Variants in CELF4 observed in about 807,000 individuals in gnomAD.
The protein encoded by CELF4 is CUG-BP- and ETR-3-like factor 4.
In CELF4, 18 loss-of-function variants were observed where a neutral mutation model predicts 59.9. The ratio of observed to expected loss-of-function variants is 0.30; its 90% CI spans 0.21 to 0.45. The LOEUF is 0.45. Among genes scored for constraint, CELF4 ranks in the 20% least tolerant of loss-of-function variants. CELF4 has a pLI of 1.00. For missense variants in CELF4, 456 were observed against 689.0 expected, an observed-to-expected ratio of 0.66 and a Z score of 3.79; for synonymous variants, 261 against 267.1, an observed-to-expected ratio of 0.98 and a Z score of 0.22.
intron 2 of CELF4, among the ~76,000 whole-genome samples, chr18:37,442,667 A>G (rs1316924559): frequency 6.6e-6 from 1 of 152,194 alleles, no homozygotes; most frequent in Non-Finnish European, 1.5e-5. Flanking sequence ...AATACAAGGA[A>G]ACAGATTGTG....
chr18:37,522,856 T>G (rs1417283930), intron 1 of CELF4, among the ~76,000 whole-genome samples: 1 of 152,106 alleles, frequency 6.6e-6, no homozygotes, highest in East Asian at 1.9e-4. Flanking sequence ...AGTTGGGCAT[T>G]GCATTGTCTC....
At chr18:37,345,792 C>T (rs536286528) in intron 2 of CELF4, among the ~76,000 whole-genome samples, 2 of 152,196 alleles carry the variant, frequency 1.3e-5, no homozygotes, top group South Asian at 2.1e-4. Flanking sequence ...TAGAAAGGCA[C>T]AGCCTACCCT....
intron 2 of CELF4, among the ~76,000 whole-genome samples, chr18:37,418,088 CT>C (rs1569569289): frequency 6.6e-6 from 1 of 152,212 alleles, no homozygotes; most frequent in African/African-American, 2.4e-5. Context: ...CAAAAGTGAT[CT>C]GATGAAAGGC....
chr18:37,489,265 C>T (rs2099891465), intron 1 of CELF4, among the ~76,000 whole-genome samples: 6 of 152,228 alleles, frequency 3.9e-5, no homozygotes, highest in Admixed American at 3.9e-4. Flanking sequence ...CAGTTATTAA[C>T]GCTGACTCCG....
intron 3 of CELF4, among the ~76,000 whole-genome samples, chr18:37,282,186 C>T (rs2094223498): frequency 1.3e-5 from 2 of 152,040 alleles, no homozygotes; most frequent in Admixed American, 6.5e-5. Context: ...CATGGGAACC[C>T]CAGCTGGCAG....
intron 1 of CELF4, among the ~76,000 whole-genome samples, chr18:37,540,915 G>A (rs2099977321): frequency 6.6e-6 from 1 of 151,562 alleles, no homozygotes; most frequent in Non-Finnish European, 1.5e-5. Flanking sequence ...GTGTCAGTGT[G>A]GGTGAGCACC....
At chr18:37,524,794 G>C (rs1215650918) in intron 1 of CELF4, among the ~76,000 whole-genome samples, 1 of 152,146 alleles carries the variant, frequency 6.6e-6, no homozygotes, top group East Asian at 1.9e-4. Context: ...GTGCGCAGCT[G>C]CGCTCTACGC....
chr18:37,328,189 A>T (rs867258050), intron 2 of CELF4, among the ~76,000 whole-genome samples: 17 of 152,210 alleles, frequency 1.1e-4, no homozygotes, highest in Admixed American at 8.5e-4. Flanking sequence ...GATTAGTGCT[A>T]TGTGACATCA....
chr18:37,339,729 G>A (rs1423295555), intron 2 of CELF4, among the ~76,000 whole-genome samples: 1 of 151,336 alleles, frequency 6.6e-6, no homozygotes, highest in Non-Finnish European at 1.5e-5. Flanking sequence ...ACTCCAGCCT[G>A]GGTGACAGAC....
chr18:37,327,814 G>T (rs1432380042), intron 2 of CELF4, among the ~76,000 whole-genome samples: 1 of 152,154 alleles, frequency 6.6e-6, no homozygotes, highest in Non-Finnish European at 1.5e-5. Context: ...CCCCAGCAGG[G>T]CCCCCTCACC....
chr18:37,328,847 C>T (rs2097428120), intron 2 of CELF4, among the ~76,000 whole-genome samples: 1 of 152,216 alleles, frequency 6.6e-6, no homozygotes, highest in African/African-American at 2.4e-5. Flanking sequence ...CCTAATCCCA[C>T]CAGCATCACT....
At chr18:37,341,318 G>C (rs1463314611) in intron 2 of CELF4, among the ~76,000 whole-genome samples, 5 of 152,354 alleles carry the variant, frequency 3.3e-5, no homozygotes, top group Non-Finnish European at 7.3e-5. Flanking sequence ...ACACTGGGCA[G>C]CTAGCTCAGC....
rs1206485160 is a variant in CELF4 at position 37,273,440 on chromosome 18, G to A, written c.802-277C>T. Reference sequence around the variant, plus strand: ...GGCAGAGGAGGAGACTGGCTCTGTGGGTGCTAGTCAGCCCTGTGTACAGCC... The same window carrying A: ...GGCAGAGGAGGAGACTGGCTCTGTGAGTGCTAGTCAGCCCTGTGTACAGCC... On this transcript the variant is annotated intron_variant, in intron 6 of 12. Coordinates refer to ENST00000420428, the MANE Select transcript of CELF4 (RefSeq NM_020180.4). 12 of 1,179,334 alleles carry A rather than the reference G, an allele frequency of 1.0e-5. No individual in the cohort carries two copies. The South Asian group carries it at 1.8e-4, about 18-fold the overall frequency. 73.1% of individuals were successfully genotyped at this position (1,179,334 alleles called of 1,614,324 possible). A position where few individuals can be genotyped will look rare whatever the true frequency, so the allele number is the denominator to read the frequency against.
intron 2 of CELF4, among the ~76,000 whole-genome samples, chr18:37,390,585 T>C (rs1273150234): frequency 6.6e-6 from 1 of 151,968 alleles, no homozygotes; most frequent in African/African-American, 2.4e-5. Flanking sequence ...TGGAGGGGGC[T>C]TGGCAACAGT....
In CELF4 at chr18:37,274,953, G is replaced by A. The variant is rs576931152; in HGVS notation, c.578-69C>T. The A allele has an allele frequency of 5.4e-5, 85 of 1,564,272 alleles. No individual in the cohort carries two copies. In the East Asian group the frequency reaches 1.8e-3, roughly 33 times the overall value. On this transcript the variant is annotated intron_variant, in intron 4 of 12. Coordinates refer to ENST00000420428, the MANE Select transcript of CELF4 (RefSeq NM_020180.4). ...CAGGGAGGGGCCGGGAGGAGAGGGC[G>A]CATCCCAGGTGAACGCAGACGGGTG...
Position 37,281,025 on chromosome 18 carries a change from A to G in CELF4, c.449-5782T>C, listed in dbSNP as rs114549913. ...GGGTCCCTCCATGAGGGAGACAAAAACTCCTGAGCTCACTGTATTCAGGGT... is the reference window on the plus strand; with the variant it reads ...GGGTCCCTCCATGAGGGAGACAAAAGCTCCTGAGCTCACTGTATTCAGGGT... On this transcript the variant is annotated intron_variant, in intron 3 of 12. Transcript: ENST00000420428. Among the ~76,000 whole-genome samples, 1,332 of 152,074 alleles carry G rather than the reference A, an allele frequency of 8.8e-3. 26 individuals are homozygous for G. Among genetic ancestry groups the G allele is most frequent in the African/African-American group, 0.03 (1,264 of 41,448 alleles).
intron 12 of CELF4, among the ~76,000 whole-genome samples, chr18:37,252,742 A>T (rs1270152055): frequency 6.7e-6 from 1 of 150,190 alleles, no homozygotes; most frequent in Non-Finnish European, 1.5e-5. Context: ...ATATTCTTTG[A>T]TCACACGTCA....
chr18:37,411,884 G>A (rs1474461648), intron 2 of CELF4, among the ~76,000 whole-genome samples: 4 of 152,226 alleles, frequency 2.6e-5, no homozygotes, highest in South Asian at 4.1e-4. Context: ...CCCGTGTCCA[G>A]GGGCTCCTAG....
chr18:37,350,453 C>T (rs1188422359), intron 2 of CELF4, among the ~76,000 whole-genome samples: 6 of 152,214 alleles, frequency 3.9e-5, no homozygotes, highest in African/African-American at 9.6e-5. Context: ...TACTCATCCT[C>T]ACCTGCTCAA....
Sources: gnomAD v4.1 joint callset for allele counts (sites outside exome capture counted in the v4.1 genomes callset) on GRCh38, gnomAD v4.1.1 for gene constraint, MANE v1.5 for transcripts, NCBI Gene and HGNC (gene_info 2026-07-23, HGNC 2026-07-21) for gene names.